Variants in FRY observed in about 807,000 individuals in gnomAD.
FRY encodes protein furry homolog.
A neutral mutation model predicts 348.4 loss-of-function variants in FRY; 128 were observed. The ratio of observed to expected loss-of-function variants is 0.37; its 90% CI spans 0.32 to 0.43. The LOEUF is 0.43. FRY is among the 20% of genes least tolerant of loss of function. FRY has a pLI of 1.00. For synonymous variants in FRY, 1,370 were observed against 1,374.7 expected (o/e 1.00, Z 0.08); for missense variants, 2,736 against 3,695.2 (o/e 0.74, Z 6.73).
intron 51 of FRY, among the ~76,000 whole-genome samples, chr13:32,260,412 A>G (rs1474676399): frequency 6.8e-6 from 1 of 146,866 alleles, no homozygotes; most frequent in Non-Finnish European, 1.5e-5. Context: ...TAACAGAAAG[A>G]AAAATAAAAC....
Position 32,187,664 on chromosome 13 carries a change from TA to T in FRY, c.3591+9del. On this transcript the variant is annotated intron_variant, in intron 28 of 60. Coordinates refer to ENST00000542859, the MANE Select transcript of FRY (RefSeq NM_023037.3). ...GCTTGTCAAGATTTACGAGTAAGTA[TA>T]GGCAAAAATACATTGTTTTTGAATG... 7.1e-7 allele frequency: 1 copy of T among 1,400,024 alleles called. No individual in the cohort carries two copies. Among genetic ancestry groups the T allele is most frequent in the South Asian group, 1.2e-5 (1 of 86,752 alleles). 86.7% of individuals were successfully genotyped at this position (1,400,024 alleles called of 1,614,324 possible).
At chr13:32,213,339 C>T (rs1884790944) in intron 35 of FRY, among the ~76,000 whole-genome samples, 1 of 152,176 alleles carries the variant, frequency 6.6e-6, no homozygotes, top group Admixed American at 6.5e-5. Context: ...TTCCCTAATT[C>T]AGGCACCAGC....
chr13:32,108,048 A>T (rs1877689390), intron 3 of FRY, among the ~76,000 whole-genome samples: 1 of 152,224 alleles, frequency 6.6e-6, no homozygotes, highest in Admixed American at 6.5e-5. Context: ...ACATACACAC[A>T]AAGTTTTATA....
At chr13:32,199,515 G>A (rs767097948) in intron 29 of FRY, among the ~76,000 whole-genome samples, 5 of 152,138 alleles carry the variant, frequency 3.3e-5, no homozygotes, top group Non-Finnish European at 7.4e-5. Context: ...AGACTTGGAA[G>A]ACAGCTGAAA....
chr13:32,088,260 G>T (rs1876018377), intron 2 of FRY, among the ~76,000 whole-genome samples: 1 of 152,208 alleles, frequency 6.6e-6, no homozygotes, highest in African/African-American at 2.4e-5. Flanking sequence ...CCTGTTGAGT[G>T]TAGTGATAGA....
At position 32,295,256 on chromosome 13, in the gene FRY, A is replaced by G; in HGVS notation, c.8838A>G (p.Thr2946=). 1 of 1,613,674 alleles carries G rather than the reference A, an allele frequency of 6.2e-7. No individual in the cohort carries two copies. Among genetic ancestry groups the G allele is most frequent in the Non-Finnish European group, 8.5e-7 (1 of 1,179,572 alleles). The change falls in exon 61 of 61, where the codon ACA becomes ACG. Residue 2946 remains threonine (T), a synonymous_variant. Transcript: ENST00000542859. ...FGSSSDDEVQ[T]LLNIYFRHQT... is the part of the protein sequence containing the mutation. ...GCAGTTCTGATGATGAGGTCCAGAC[A>G]CTACTGAATATTTATTTCCGTCACC...
intron 36 of FRY, among the ~76,000 whole-genome samples, chr13:32,219,427 G>C (rs1314860475): frequency 6.7e-6 from 1 of 149,308 alleles, no homozygotes; most frequent in Non-Finnish European, 1.5e-5. Context: ...TGGTGATGCA[G>C]CTGGGGAAAA....
Position 32,239,339 on chromosome 13 carries a change from G to A in FRY, c.6506G>A (p.Arg2169Lys). 1.3e-6 allele frequency: 2 copies of A among 1,594,314 alleles called. No homozygotes were observed. ...CAGTTCTGTAAGGATATAGCCGAAA[G>A]GATTGCTCAGGTATGAGTTACAGTT... is the stretch of plus-strand genomic sequence containing the variant. ...PNQFCKDIAE[R>K]IAQVCLEEKN... Residue 2169 changes from arginine to lysine, a missense_variant, in exon 45 of 61, where the codon AGG (arginine) becomes AAG (lysine). Arg to Lys is a conservative substitution (Grantham distance 26, BLOSUM62 2). This residue lies in a region of FRY where 789 missense variants were observed against 996.2 expected (regional missense o/e 0.79). Coordinates refer to ENST00000542859, the MANE Select transcript of FRY (RefSeq NM_023037.3). This position sits in a 1 kb window ranked among gnomAD's most constrained non-coding sequence, Gnocchi z 4.3.
chr13:32,195,634 A>C (rs1883631795), intron 29 of FRY, among the ~76,000 whole-genome samples: 1 of 152,336 alleles, frequency 6.6e-6, no homozygotes, highest in South Asian at 2.1e-4. Flanking sequence ...TTCTCTGAAT[A>C]AATCTAGGTA....
chr13:32,247,630 A>G, intron 48 of FRY, 128 bp downstream of exon 48: 1 of 796,704 alleles, frequency 1.3e-6, no homozygotes, highest in Non-Finnish European at 2.1e-6. Flanking sequence ...TCTAAGGGCT[A>G]AATTAGGTTT....
chr13:32,146,598 T>G (rs9533620), intron 11 of FRY, among the ~76,000 whole-genome samples: 17,867 of 152,152 alleles, frequency 0.12, 1,212 homozygotes, highest in East Asian at 0.26. Context: ...CCTCCCAAAG[T>G]GCTGGGATTA....
chr13:32,034,967 C>T (rs1375299639), intron 1 of FRY, among the ~76,000 whole-genome samples: 2 of 152,194 alleles, frequency 1.3e-5, no homozygotes, highest in African/African-American at 2.4e-5. Flanking sequence ...TGCATGGCTT[C>T]GGACAGTTAA....
At chr13:32,274,608 G>C (rs949046519) in intron 55 of FRY, among the ~76,000 whole-genome samples, 1 of 150,442 alleles carries the variant, frequency 6.6e-6, no homozygotes, top group Non-Finnish European at 1.5e-5. Context: ...GGAGGCTGAG[G>C]CAGGAGAATG....
At chr13:32,040,168 T>C (rs989990211) in intron 1 of FRY, among the ~76,000 whole-genome samples, 4 of 152,200 alleles carry the variant, frequency 2.6e-5, no homozygotes, top group African/African-American at 9.6e-5. Flanking sequence ...GGCAATACTT[T>C]GGTAAAATTC....
intron 53 of FRY, 22 bp downstream of exon 53, chr13:32,262,497 T>C: frequency 6.3e-7 from 1 of 1,585,476 alleles, no homozygotes; most frequent in Non-Finnish European, 8.7e-7. Flanking sequence ...TTAACAATGA[T>C]GATTTGTACT....
chr13:32,106,068 A>G lies in FRY; in HGVS notation c.324+4052A>G, dbSNP rs193229776. ...TCTATATTAAATATAATATAATAAT[A>G]TTAAATATAATATTAAATTATACTA... On this transcript the variant is annotated intron_variant, in intron 3 of 60. Coordinates refer to ENST00000542859, the MANE Select transcript of FRY (RefSeq NM_023037.3). Among the ~76,000 whole-genome samples, 775 of 148,104 alleles carry G rather than the reference A, an allele frequency of 5.2e-3. 4 individuals are homozygous for G. The highest frequency in any genetic ancestry group is 0.011 in the Middle Eastern group (3 of 280).
intron 20 of FRY, 33 bp from the exon 21 acceptor site, chr13:32,178,144 G>T: frequency 6.2e-7 from 1 of 1,613,392 alleles, no homozygotes; most frequent in South Asian, 1.1e-5. Flanking sequence ...TTCAGTTCGG[G>T]TTTAACTTAC....
rs1885463904 is a variant in FRY, at chr13:32,224,231, C to G, written c.4766-4C>G. 6.2e-7 allele frequency: 1 copy of G among 1,613,754 alleles called. No individual in the cohort carries two copies. The highest frequency in any genetic ancestry group is 8.5e-7 in the Non-Finnish European group (1 of 1,179,714). ...AAAGCACAGTTGTCTTTCTCACCCT[C>G]CAGATGATCCAATTTCTCCCTACAC... On this transcript the variant is annotated splice_polypyrimidine_tract_variant and splice_region_variant and intron_variant, in intron 36 of 60. Transcript: ENST00000542859.
intron 58 of FRY, among the ~76,000 whole-genome samples, chr13:32,286,747 C>CAAAAAAAAAAAAAA (rs6144991): frequency 2.6e-5 from 2 of 77,492 alleles, no homozygotes; most frequent in African/African-American, 1.2e-4. Context: ...GACTCTGTCT[C>CAAAAAAAAAAAAAA]AAAAAAAAAA....
Sources: gnomAD v4.1 joint callset for allele counts (sites outside exome capture counted in the v4.1 genomes callset) on GRCh38, gnomAD v4.1.1 for gene constraint, gnomAD v4.1.1 regional missense constraint, Gnocchi (gnomAD v3.1) non-coding constraint, MANE v1.5 for transcripts, NCBI Gene and HGNC (gene_info 2026-07-23, HGNC 2026-07-21) for gene names.